RNF145: variants seen among roughly 807,000 people sequenced by gnomAD.
RNF145 encodes the protein ring finger protein 145.
Under a neutral mutation model 57.3 loss-of-function variants are expected in RNF145, and 12 were observed. That is an observed-to-expected ratio of 0.21 (90% confidence interval 0.13 to 0.34). RNF145 has a LOEUF of 0.34. Among genes scored for constraint, RNF145 ranks in the 10% least tolerant of loss-of-function variants. The pLI, the probability that RNF145 is intolerant of heterozygous loss-of-function variation, is 1.00. For missense variants in RNF145, 429 were observed against 799.0 expected, an observed-to-expected ratio of 0.54 and a Z score of 5.58; for synonymous variants, 262 against 288.3, an observed-to-expected ratio of 0.91 and a Z score of 0.92.
rs753482613 is a variant in RNF145 at position 159,182,058 on chromosome 5, A to G, written c.294-7T>C. 1 of 1,532,176 alleles carries G rather than the reference A, an allele frequency of 6.5e-7. No homozygotes were observed. Among genetic ancestry groups the G allele is most frequent in the African/African-American group, 1.4e-5 (1 of 73,322 alleles). 94.9% of individuals were successfully genotyped at this position (1,532,176 alleles called of 1,614,324 possible). On this transcript the variant is annotated splice_region_variant and splice_polypyrimidine_tract_variant and intron_variant, in intron 3 of 10. Coordinates refer to ENST00000424310, the MANE Select transcript of RNF145 (RefSeq NM_001199383.2). Reference sequence around the variant, plus strand: ...TTCACTCCGAACATAGTCCCTAAATAAGAAAATTGATTAGAATGTATATAT... The same window carrying G: ...TTCACTCCGAACATAGTCCCTAAATGAGAAAATTGATTAGAATGTATATAT...
intron 3 of RNF145, among the ~76,000 whole-genome samples, chr5:159,186,183 C>T (rs911348365): frequency 3.3e-5 from 5 of 151,922 alleles, no homozygotes; most frequent in Admixed American, 3.3e-4. Flanking sequence ...GCCAAGATTG[C>T]ACCACTGCAC....
intron 9 of RNF145, among the ~76,000 whole-genome samples, chr5:159,162,485 A>T (rs1463112415): frequency 6.4e-5 from 9 of 141,252 alleles, no homozygotes; most frequent in Non-Finnish European, 1.5e-5. Flanking sequence ...CGGACTGCGG[A>T]CTGCAGTGGC....
intron 2 of RNF145, among the ~76,000 whole-genome samples, chr5:159,197,541 G>T (rs1222192138): frequency 6.6e-6 from 1 of 152,152 alleles, no homozygotes; most frequent in Non-Finnish European, 1.5e-5. Flanking sequence ...AAATATTTGT[G>T]TAAGAAAACT....
intron 5 of RNF145, among the ~76,000 whole-genome samples, chr5:159,174,475 G>C (rs757700698): frequency 4.5e-4 from 69 of 152,070 alleles, no homozygotes; most frequent in Non-Finnish European, 8.2e-4. Flanking sequence ...GAGGAGACTT[G>C]GTAAACACTC....
chr5:159,182,584 G>C (rs1312447197), intron 3 of RNF145, among the ~76,000 whole-genome samples: 1 of 151,970 alleles, frequency 6.6e-6, no homozygotes, highest in Non-Finnish European at 1.5e-5. Context: ...TGAAATCTAA[G>C]ATAATTATAA....
chr5:159,207,764 A>T, intron 1 of RNF145: 9 of 1,614,174 alleles, frequency 5.6e-6, no homozygotes, highest in Non-Finnish European at 7.6e-6. Context: ...CCTGATCTCC[A>T]CATAAACTAC....
intron 6 of RNF145, 66 bp downstream of exon 6, chr5:159,173,917 C>T: frequency 9.1e-7 from 1 of 1,096,572 alleles, no homozygotes; most frequent in Non-Finnish European, 1.3e-6. Flanking sequence ...GCAAAACTTA[C>T]TATTCCTAGA....
chr5:159,209,896 C>T (rs563298656), upstream of RNF145: 37 of 1,536,078 alleles, frequency 2.4e-5, no homozygotes, highest in East Asian at 2.7e-4. Context: ...GATCCTGTCC[C>T]GGTGCATTCG....
chr5:159,167,909 A>T (rs745937140), intron 8 of RNF145, among the ~76,000 whole-genome samples: 3 of 152,200 alleles, frequency 2.0e-5, no homozygotes, highest in African/African-American at 2.4e-5. Context: ...ATGTTTTAGA[A>T]ATCAGCTGAT....
At position 159,209,454 on chromosome 5, in the gene RNF145, C is replaced by A; in HGVS notation, c.-263G>T. ...CCCGGCCCGTACGGTCACCATCGTCCGCGGCAGCAGGCGCTCGCGGGCCGA... is the reference window on the plus strand; with the variant it reads ...CCCGGCCCGTACGGTCACCATCGTCAGCGGCAGCAGGCGCTCGCGGGCCGA... On this transcript the variant is annotated 5_prime_UTR_variant, in exon 1 of 11. Transcript: ENST00000424310. 1.0e-6 allele frequency: 1 copy of A among 982,716 alleles called. No homozygotes were observed. Among genetic ancestry groups the A allele is most frequent in the South Asian group, 4.5e-5 (1 of 22,010 alleles). 60.9% of individuals were successfully genotyped at this position (982,716 alleles called of 1,614,324 possible). A position where few individuals can be genotyped will look rare whatever the true frequency, so the allele number is the denominator to read the frequency against.
chr5:159,170,207 T>C (rs977054258), intron 6 of RNF145, among the ~76,000 whole-genome samples: 13 of 152,256 alleles, frequency 8.5e-5, no homozygotes, highest in African/African-American at 3.1e-4. Flanking sequence ...AATTGTTCAC[T>C]GTGCTACATT....
chr5:159,169,127 C>A, intron 7 of RNF145, 72 bp from the exon 8 acceptor site: 2 of 1,240,244 alleles, frequency 1.6e-6, no homozygotes, highest in Non-Finnish European at 2.2e-6. Context: ...GAAAAATAAT[C>A]CAAAGGCTTA....
chr5:159,180,958 A>T (rs564869533), intron 4 of RNF145, among the ~76,000 whole-genome samples: 1 of 152,080 alleles, frequency 6.6e-6, no homozygotes, highest in East Asian at 1.9e-4. Flanking sequence ...TGGGTGAAGG[A>T]TAAAAGACTG....
chr5:159,174,790 A>G (rs1216292180), intron 5 of RNF145, among the ~76,000 whole-genome samples: 1 of 152,208 alleles, frequency 6.6e-6, no homozygotes, highest in Non-Finnish European at 1.5e-5. Context: ...ATCTTAAAAA[A>G]AAAAAAGGCT....
intron 8 of RNF145, among the ~76,000 whole-genome samples, chr5:159,166,150 T>A (rs1784387746): frequency 6.6e-6 from 1 of 152,168 alleles, no homozygotes; most frequent in South Asian, 2.1e-4. Flanking sequence ...AAACAGTATC[T>A]CACTGTAGCC....
chr5:159,208,646 G>C (rs1162643093), intron 1 of RNF145, among the ~76,000 whole-genome samples: 1 of 152,186 alleles, frequency 6.6e-6, no homozygotes, highest in African/African-American at 2.4e-5. Context: ...TGAAAGCGGG[G>C]AGCTTGAGTT....
At chr5:159,191,866 A>G (rs1475951174) in intron 3 of RNF145, among the ~76,000 whole-genome samples, 1 of 152,238 alleles carries the variant, frequency 6.6e-6, no homozygotes, top group Non-Finnish European at 1.5e-5. Context: ...AAAAAGCTCA[A>G]AAAGCCACAA....
chr5:159,194,490 T>C (rs1785388745), intron 3 of RNF145, among the ~76,000 whole-genome samples: 1 of 152,192 alleles, frequency 6.6e-6, no homozygotes, highest in Admixed American at 6.5e-5. Flanking sequence ...TTTATAAACA[T>C]AACCTTAAGG....
intron 2 of RNF145, 26 bp downstream of exon 2, chr5:159,203,408 T>C (rs1194744232): frequency 3.4e-6 from 5 of 1,472,518 alleles, no homozygotes; most frequent in Non-Finnish European, 2.9e-6. Flanking sequence ...CACTAGAAGA[T>C]TAGAAAATGT....
Sources: allele counts gnomAD v4.1 joint callset (sites outside exome capture counted in the v4.1 genomes callset), GRCh38; gene constraint gnomAD v4.1.1; transcripts MANE v1.5; gene names NCBI Gene and HGNC (gene_info 2026-07-23, HGNC 2026-07-21).